UBE2E2: variants seen among roughly 807,000 people sequenced by gnomAD.
The protein encoded by UBE2E2 is ubiquitin-conjugating enzyme E2 E2.
UBE2E2 carries 6 observed loss-of-function variants against 24.7 expected under a neutral mutation model. The observed-to-expected ratio is 0.24, with a 90% CI of 0.13 to 0.48. The LOEUF (loss-of-function observed/expected upper bound fraction) is 0.48. UBE2E2 is among the 20% of genes least tolerant of loss of function. The probability of loss-of-function intolerance (pLI) is 0.99; values close to 1 mark genes in which losing one functional copy is unlikely to be tolerated. For synonymous variants in UBE2E2, 104 were observed against 83.6 expected, an observed-to-expected ratio of 1.24 and a Z score of -1.33; for missense variants, 169 against 245.0, an observed-to-expected ratio of 0.69 and a Z score of 2.07.
At chr3:23,415,590 T>A (rs1697604329) in intron 3 of UBE2E2, among the ~76,000 whole-genome samples, 1 of 152,206 alleles carries the variant, frequency 6.6e-6, no homozygotes, top group African/African-American at 2.4e-5. Context: ...AGAAAAATGT[T>A]TGAAATCAGC....
At chr3:23,249,571 G>C (rs191732758) in intron 3 of UBE2E2, among the ~76,000 whole-genome samples, 1 of 152,238 alleles carries the variant, frequency 6.6e-6, no homozygotes, top group African/African-American at 2.4e-5. Context: ...AGGGATTCCA[G>C]TGACCTTGAA....
At chr3:23,581,270 G>A (rs1472520163) in intron 5 of UBE2E2, among the ~76,000 whole-genome samples, 1 of 151,470 alleles carries the variant, frequency 6.6e-6, no homozygotes, top group African/African-American at 2.4e-5. Context: ...TATTGATCAG[G>A]TTCATCTTAA....
intron 3 of UBE2E2, among the ~76,000 whole-genome samples, chr3:23,248,971 A>G (rs147182544): frequency 9.8e-4 from 149 of 152,274 alleles, no homozygotes; most frequent in African/African-American, 3.4e-3. Flanking sequence ...TTTTGCAACT[A>G]CCTTAGGACC....
At chr3:23,255,616 A>T (rs1697700945) in intron 3 of UBE2E2, among the ~76,000 whole-genome samples, 1 of 152,186 alleles carries the variant, frequency 6.6e-6, no homozygotes. Flanking sequence ...ATTGACACTG[A>T]TCTAGGTGGG....
rs1283131942 is a variant in UBE2E2, at chr3:23,583,857, A to G, written c.509-5877A>G. The stretch of plus-strand genomic sequence containing the variant: ...TTCTAGGTATAGAATCATATCGTCT[A>G]CAAACAGGGATAGTTTGACTTCCTC... On this transcript the variant is annotated intron_variant, in intron 5 of 5. Coordinates refer to ENST00000396703, the MANE Select transcript of UBE2E2 (RefSeq NM_152653.4). The surrounding 1 kb of genome is among the most constrained non-coding windows in gnomAD (Gnocchi z 4.1). Among the ~76,000 whole-genome samples, 2 of 152,188 alleles carry G rather than the reference A, an allele frequency of 1.3e-5. No individual in the cohort carries two copies. The highest frequency in any genetic ancestry group is 1.3e-4 in the Admixed American group (2 of 15,270).
chr3:23,383,892 T>TA (rs35603984), intron 3 of UBE2E2, among the ~76,000 whole-genome samples: 2,447 of 143,780 alleles, frequency 0.017, 48 homozygotes, highest in East Asian at 0.081. Context: ...ATTATTTCTT[T>TA]AAAAAAAAAA....
chr3:23,340,359 C>G (rs1156450703), intron 3 of UBE2E2, among the ~76,000 whole-genome samples: 6 of 151,998 alleles, frequency 3.9e-5, no homozygotes, highest in South Asian at 4.1e-4. Flanking sequence ...TTTGCATCTA[C>G]TATGCACTAT....
intron 3 of UBE2E2, among the ~76,000 whole-genome samples, chr3:23,498,731 G>C (rs1221466063): frequency 2.6e-5 from 4 of 152,140 alleles, no homozygotes; most frequent in Admixed American, 2.6e-4. Context: ...ATGCATGCCT[G>C]TAAACCCAGC....
chr3:23,499,831 T>TATTTAA, intron 4 of UBE2E2, 91 bp downstream of exon 4: 4 of 1,408,560 alleles, frequency 2.8e-6, no homozygotes, highest in Non-Finnish European at 3.8e-6. Context: ...TAGGGATGCA[T>TATTTAA]GTCTATTCTG....
chr3:23,397,882 A>G (rs976263370), intron 3 of UBE2E2, among the ~76,000 whole-genome samples: 2 of 152,154 alleles, frequency 1.3e-5, no homozygotes, highest in Admixed American at 1.3e-4. Flanking sequence ...GATGTCACAC[A>G]TACCTATTCC....
In UBE2E2 at chr3:23,416,459, C is replaced by T. The variant is rs574990150; in HGVS notation, c.228-83149C>T. 1.2e-4 allele frequency among the ~76,000 whole-genome samples: 18 copies of T among 152,146 alleles called. No homozygotes were observed. In the South Asian group the frequency reaches 1.7e-3, roughly 14 times the overall value. ...GGGCTTCCCTTTGTGGGTAACCTGA[C>T]GTTTCTCTCTGGCTGCCCTTAACAT... On this transcript the variant is annotated intron_variant, in intron 3 of 5. Coordinates refer to ENST00000396703, the MANE Select transcript of UBE2E2 (RefSeq NM_152653.4).
chr3:23,394,842 C>T (rs574284500), intron 3 of UBE2E2, among the ~76,000 whole-genome samples: 14 of 152,304 alleles, frequency 9.2e-5, no homozygotes, highest in Admixed American at 3.3e-4. Context: ...TTTCAGTCCA[C>T]TCAATTCTTG....
intron 5 of UBE2E2, among the ~76,000 whole-genome samples, chr3:23,579,399 A>G (rs1696421466): frequency 6.6e-6 from 1 of 150,856 alleles, no homozygotes; most frequent in African/African-American, 2.4e-5. Flanking sequence ...AAAAAAAAAA[A>G]AACCTAAAAG....
chr3:23,284,498 C>T (rs1020277120), intron 3 of UBE2E2, among the ~76,000 whole-genome samples: 2 of 151,678 alleles, frequency 1.3e-5, no homozygotes, highest in Non-Finnish European at 2.9e-5. Flanking sequence ...TGTCCTGGGC[C>T]GCAGTTATCA....
At chr3:23,387,350 A>G (rs1030939899) in intron 3 of UBE2E2, among the ~76,000 whole-genome samples, 2 of 152,178 alleles carry the variant, frequency 1.3e-5, no homozygotes, top group African/African-American at 4.8e-5. Context: ...TTTTGCTTCT[A>G]TCTCAGGTAA....
chr3:23,496,430 C>G (rs1699603867), intron 3 of UBE2E2, among the ~76,000 whole-genome samples: 1 of 152,158 alleles, frequency 6.6e-6, no homozygotes, highest in African/African-American at 2.4e-5. Flanking sequence ...GGAAACCACT[C>G]TTCTGAACTT....
At chr3:23,457,436 T>C (rs1306531705) in intron 3 of UBE2E2, among the ~76,000 whole-genome samples, 1 of 152,238 alleles carries the variant, frequency 6.6e-6, no homozygotes, top group East Asian at 1.9e-4. Flanking sequence ...AAATCTAGAC[T>C]TAAATAGCCA....
rs550484561 is a variant in UBE2E2 at position 23,357,395 on chromosome 3, A to ATG, written c.227+140098_227+140099dup. On this transcript the variant is annotated intron_variant, in intron 3 of 5. Coordinates refer to ENST00000396703, the MANE Select transcript of UBE2E2 (RefSeq NM_152653.4). ...CTTGAGGATGCCAGTGCCTGGAGAT[A>ATG]TGTGTGTGTGTGTGTGAGTGTGTAT... 1.5e-3 allele frequency among the ~76,000 whole-genome samples: 220 copies of ATG among 151,020 alleles called. 2 individuals are homozygous for ATG. Among genetic ancestry groups the ATG allele is most frequent in the African/African-American group, 3.6e-3 (148 of 41,288 alleles).
At chr3:23,576,486 A>G (rs1271595634) in intron 5 of UBE2E2, among the ~76,000 whole-genome samples, 1 of 152,154 alleles carries the variant, frequency 6.6e-6, no homozygotes, top group African/African-American at 2.4e-5. Context: ...ATGCTGTTAA[A>G]ATCACCACCA....
Sources: allele counts gnomAD v4.1 joint callset (sites outside exome capture counted in the v4.1 genomes callset), GRCh38; gene constraint gnomAD v4.1.1; non-coding constraint Gnocchi (gnomAD v3.1); transcripts MANE v1.5; gene names NCBI Gene and HGNC (gene_info 2026-07-23, HGNC 2026-07-21).